IMMP2L: variants seen among roughly 807,000 people sequenced by gnomAD.
The protein encoded by IMMP2L is inner mitochondrial membrane peptidase subunit 2, also known as mitochondrial inner membrane protease subunit 2.
Under a neutral mutation model 19.3 loss-of-function variants are expected in IMMP2L, and 18 were observed. The ratio of observed to expected loss-of-function variants is 0.93; its 90% CI spans 0.64 to 1.38. The LOEUF (loss-of-function observed/expected upper bound fraction) is 1.38, where lower values mean the gene tolerates loss of function less well. IMMP2L is among the 40% of genes most tolerant of loss of function. The pLI is 0.00. For synonymous variants in IMMP2L, 76 were observed against 73.0 expected (o/e 1.04, Z -0.21); for missense variants, 233 against 218.2 (o/e 1.07, Z -0.43).
At chr7:110,812,852 T>A (rs1802143495) in intron 5 of IMMP2L, among the ~76,000 whole-genome samples, 1 of 152,054 alleles carries the variant, frequency 6.6e-6, no homozygotes, top group Admixed American at 6.6e-5. Flanking sequence ...ATGATACTTC[T>A]TTATGTATTT....
intron 5 of IMMP2L, among the ~76,000 whole-genome samples, chr7:110,832,344 T>C (rs1326054737): frequency 6.6e-6 from 1 of 152,290 alleles, no homozygotes; most frequent in Non-Finnish European, 1.5e-5. Flanking sequence ...GTCGTTATCC[T>C]GGTATATTCA....
intron 5 of IMMP2L, among the ~76,000 whole-genome samples, chr7:110,672,641 TA>T (rs957881813): frequency 2.3e-4 from 35 of 152,138 alleles, no homozygotes; most frequent in African/African-American, 7.7e-4. Flanking sequence ...AGGCATTGGG[TA>T]AATACACCCA....
intron 5 of IMMP2L, among the ~76,000 whole-genome samples, chr7:110,683,478 G>A (rs73208706): frequency 0.027 from 4,083 of 152,152 alleles, 70 homozygotes; most frequent in Middle Eastern, 0.089. Context: ...ATAAATAATT[G>A]TAAAGCTTTT....
rs1187277306 is a variant in IMMP2L at position 110,662,710 on chromosome 7, G to A, written c.*892C>T. 2.0e-5 allele frequency among the ~76,000 whole-genome samples: 3 copies of A among 152,186 alleles called. No individual in the cohort carries two copies. Among genetic ancestry groups the A allele is most frequent in the African/African-American group, 7.2e-5 (3 of 41,440 alleles). On this transcript the variant is annotated 3_prime_UTR_variant, in exon 6 of 6. Transcript: ENST00000405709. ...GACTCTATGATTCTACTGTAACTTT[G>A]CAATTGGTGATTTCAGTATTACAGA...
chr7:110,874,710 T>A (rs999699879), intron 5 of IMMP2L, among the ~76,000 whole-genome samples: 1 of 152,110 alleles, frequency 6.6e-6, no homozygotes, highest in African/African-American at 2.4e-5. Context: ...TTATAAAATA[T>A]ACTACTGTGA....
At chr7:110,683,653 A>T (rs1792897228) in intron 5 of IMMP2L, among the ~76,000 whole-genome samples, 1 of 152,134 alleles carries the variant, frequency 6.6e-6, no homozygotes, top group Non-Finnish European at 1.5e-5. Flanking sequence ...AATAAAGCAT[A>T]GTTTGAATGA....
chr7:110,798,826 A>G (rs1054129684), intron 5 of IMMP2L, among the ~76,000 whole-genome samples: 12 of 151,890 alleles, frequency 7.9e-5, no homozygotes, highest in South Asian at 4.1e-4. Context: ...TTTATCTGGA[A>G]GTATAAGAGA....
chr7:111,185,571 T>G (rs913984942), intron 3 of IMMP2L, among the ~76,000 whole-genome samples: 4 of 152,140 alleles, frequency 2.6e-5, no homozygotes, highest in Non-Finnish European at 4.4e-5. Flanking sequence ...AAAAATATAT[T>G]ATGTAAACAA....
intron 5 of IMMP2L, among the ~76,000 whole-genome samples, chr7:110,726,240 C>T (rs1795875781): frequency 6.6e-6 from 1 of 152,164 alleles, no homozygotes. Flanking sequence ...AAACACTGGG[C>T]TCCTTGAACA....
chr7:110,765,738 CA>C (rs1307762265), intron 5 of IMMP2L, among the ~76,000 whole-genome samples: 2 of 152,114 alleles, frequency 1.3e-5, no homozygotes, highest in African/African-American at 4.8e-5. Context: ...GTGAAATGAT[CA>C]AATTGGGGTA....
At chr7:111,335,305 T>C (rs1826288143) in intron 3 of IMMP2L, among the ~76,000 whole-genome samples, 1 of 152,000 alleles carries the variant, frequency 6.6e-6, no homozygotes, top group African/African-American at 2.4e-5. Context: ...ACCAAATATC[T>C]CTCTGTTATT....
intron 3 of IMMP2L, among the ~76,000 whole-genome samples, chr7:111,096,594 T>G (rs1335575600): frequency 6.6e-6 from 1 of 151,464 alleles, no homozygotes; most frequent in African/African-American, 2.4e-5. Context: ...CTCATCCATA[T>G]GTTTGTCTGA....
chr7:111,425,295 G>T (rs761019288), intron 3 of IMMP2L, among the ~76,000 whole-genome samples: 10 of 144,860 alleles, frequency 6.9e-5, no homozygotes, highest in Non-Finnish European at 1.6e-4. Flanking sequence ...GACTTTCTGG[G>T]ATGATGTTAA....
intron 4 of IMMP2L, among the ~76,000 whole-genome samples, chr7:110,931,305 G>A (rs1214903101): frequency 1.3e-5 from 2 of 152,184 alleles, no homozygotes; most frequent in Non-Finnish European, 2.9e-5. Flanking sequence ...GATGGGAAGG[G>A]ATGCTATTGG....
At chr7:110,755,454 C>T (rs1797982210) in intron 5 of IMMP2L, among the ~76,000 whole-genome samples, 1 of 152,072 alleles carries the variant, frequency 6.6e-6, no homozygotes. Flanking sequence ...TAGTTCTACA[C>T]CTGTAGTTTA....
At chr7:111,166,044 A>C (rs1052847491) in intron 3 of IMMP2L, among the ~76,000 whole-genome samples, 5 of 152,084 alleles carry the variant, frequency 3.3e-5, no homozygotes, top group Admixed American at 3.3e-4. Context: ...TTAGTCCTTA[A>C]TTATAATCTT....
intron 3 of IMMP2L, chr7:111,394,836 A>G: frequency 4.5e-6 from 1 of 222,730 alleles, no homozygotes; most frequent in Non-Finnish European, 9.7e-6. Flanking sequence ...GTAAAATAGT[A>G]GTTACATGAA....
intron 3 of IMMP2L, among the ~76,000 whole-genome samples, chr7:111,059,268 C>A (rs1793793547): frequency 6.6e-6 from 1 of 152,182 alleles, no homozygotes; most frequent in Non-Finnish European, 1.5e-5. Flanking sequence ...AGGCATGAGC[C>A]ACCACGCCCA....
At chr7:110,921,084 T>C (rs1248951034) in intron 4 of IMMP2L, among the ~76,000 whole-genome samples, 1 of 152,132 alleles carries the variant, frequency 6.6e-6, no homozygotes, top group Non-Finnish European at 1.5e-5. Flanking sequence ...AAATGAGAGA[T>C]TCATGTTGAA....
Sources: gnomAD v4.1 joint callset for allele counts (sites outside exome capture counted in the v4.1 genomes callset) on GRCh38, gnomAD v4.1.1 for gene constraint, MANE v1.5 for transcripts, NCBI Gene and HGNC (gene_info 2026-07-23, HGNC 2026-07-21) for gene names.